Variants in SYCP2L observed in about 807,000 individuals in gnomAD.
SYCP2L encodes the protein synaptonemal complex protein 2-like.
A neutral mutation model predicts 125.8 loss-of-function variants in SYCP2L; 98 were observed. That is an observed-to-expected ratio of 0.78 (90% CI 0.66 to 0.92). The LOEUF (loss-of-function observed/expected upper bound fraction) is 0.92. Ranked by LOEUF, SYCP2L falls within the 40% of genes least tolerant of loss-of-function variation. The probability of loss-of-function intolerance (pLI) is 0.00; values close to 1 mark genes in which losing one functional copy is unlikely to be tolerated. For synonymous variants in SYCP2L, 317 were observed against 325.4 expected (o/e 0.97, Z 0.28); for missense variants, 842 against 936.4 (o/e 0.90, Z 1.32).
In SYCP2L at chr6:10,911,894, C is replaced by CTTTTTT. The variant is rs58800098; in HGVS notation, c.919-759_919-754dup. Among the ~76,000 whole-genome samples, 131 of 50,030 alleles carry CTTTTTT rather than the reference C, an allele frequency of 2.6e-3. 2 individuals carry two copies. The highest frequency in any genetic ancestry group is 5.0e-3 in the African/African-American group (71 of 14,124). 32.8% of individuals were successfully genotyped at this position (50,030 alleles called of 152,430 possible). A position where few individuals can be genotyped will look rare whatever the true frequency, so the allele number is the denominator to read the frequency against. On this transcript the variant is annotated intron_variant, in intron 12 of 29. Transcript: ENST00000283141. ...TTTATCTGTTGTTGGGGAATAAAAG[C>CTTTTTT]TTTTTTTTTTTTTTTTTTTTTTTTT...
intron 20 of SYCP2L, among the ~76,000 whole-genome samples, chr6:10,934,520 AT>A (rs1403650170): frequency 6.6e-6 from 1 of 152,200 alleles, no homozygotes; most frequent in Non-Finnish European, 1.5e-5. Flanking sequence ...CTCTAATAAA[AT>A]ACAAAAAAAT....
intron 23 of SYCP2L, among the ~76,000 whole-genome samples, chr6:10,952,642 G>T (rs2113399291): frequency 6.6e-6 from 1 of 152,078 alleles, no homozygotes; most frequent in Middle Eastern, 3.4e-3. Flanking sequence ...GAAACGTGGT[G>T]ATTGTTGATC....
intron 9 of SYCP2L, among the ~76,000 whole-genome samples, chr6:10,906,274 C>T (rs577674105): frequency 2.6e-5 from 4 of 152,000 alleles, no homozygotes; most frequent in Admixed American, 6.5e-5. Flanking sequence ...CACAATTTAG[C>T]ATTTTACCGC....
At position 10,893,956 on chromosome 6, in the gene SYCP2L, A is replaced by G; in HGVS notation, c.168A>G (p.Gln56=). 6.2e-7 allele frequency: 1 copy of G among 1,612,344 alleles called. No homozygotes were observed. Among genetic ancestry groups the G allele is most frequent in the Non-Finnish European group, 8.5e-7 (1 of 1,179,600 alleles). The change falls in exon 3 of 30, where the codon CAA becomes CAG. Residue 56 remains glutamine (Q), a synonymous_variant. Coordinates refer to ENST00000283141, the MANE Select transcript of SYCP2L (RefSeq NM_001040274.3). ...YFQQKESHFP[Q]KYNRLLLYRL... ...AACAGAAAGAGAGCCACTTTCCTCA[A>G]AAATATAATCGTCTTCTATTATACC... is the stretch of plus-strand genomic sequence containing the variant.
At chr6:10,891,607 CTCTCTCTG>C (rs1780173378) in intron 2 of SYCP2L, 26 bp downstream of exon 2, 2 of 452,872 alleles carry the variant, frequency 4.4e-6, no homozygotes, top group Non-Finnish European at 3.7e-6. Flanking sequence ...CTTTTATAAT[CTCTCTCTG>C]TGTGTGTGTG....
At chr6:10,918,280 G>A (rs2788869) in intron 14 of SYCP2L, among the ~76,000 whole-genome samples, 23,689 of 151,848 alleles carry the variant, frequency 0.16, 2,192 homozygotes, top group Middle Eastern at 0.3. Flanking sequence ...AATTTCCCGA[G>A]TGTTCTTTGT....
rs753334419 is a variant in SYCP2L at position 10,963,828 on chromosome 6, T to C, written c.*22T>C. ...ATAAGAAAGCCAAAGCCTGGTTTTATGATTGCAGCCCTCAGGTAGGTGCAA... is the reference window on the plus strand; with the variant it reads ...ATAAGAAAGCCAAAGCCTGGTTTTACGATTGCAGCCCTCAGGTAGGTGCAA... On this transcript the variant is annotated 3_prime_UTR_variant, in exon 29 of 30. Coordinates refer to ENST00000283141, the MANE Select transcript of SYCP2L (RefSeq NM_001040274.3). 9 of 1,613,826 alleles carry C rather than the reference T, an allele frequency of 5.6e-6. No individual in the cohort carries two copies. The highest frequency in any genetic ancestry group is 1.6e-4 in the Middle Eastern group (1 of 6,084).
intron 29 of SYCP2L, among the ~76,000 whole-genome samples, chr6:10,966,528 A>G (rs889543066): frequency 6.6e-6 from 1 of 152,220 alleles, no homozygotes; most frequent in African/African-American, 2.4e-5. Flanking sequence ...TTCTGCCTAA[A>G]TTAGTAAAAT....
At position 10,926,403 on chromosome 6, in the gene SYCP2L, A is replaced by G; in HGVS notation, c.1283A>G (p.Glu428Gly). The change falls in exon 16 of 30, where the codon GAG (glutamate) becomes GGG (glycine). Residue 428 changes from glutamate (E) to glycine (G), a missense_variant. By Grantham distance (98) the Glu-to-Gly change is moderately conservative (BLOSUM62 -2). Coordinates refer to ENST00000283141, the MANE Select transcript of SYCP2L (RefSeq NM_001040274.3). ...AGTAAGTCTGATAAAGAAGACAGGG[A>G]GAGTCCCAGTGGCCTTGAAAGAGAA... The part of the protein sequence containing the change: ...LFSKSDKEDR[E>G]SPSGLERETE... 6.2e-7 allele frequency: 1 copy of G among 1,613,858 alleles called. No homozygotes were observed. Among genetic ancestry groups the G allele is most frequent in the Non-Finnish European group, 8.5e-7 (1 of 1,179,792 alleles).
At chr6:10,960,948 C>T (rs529665688) in intron 26 of SYCP2L, among the ~76,000 whole-genome samples, 15 of 152,144 alleles carry the variant, frequency 9.9e-5, no homozygotes, top group African/African-American at 3.1e-4. Flanking sequence ...CGTGGTGGCA[C>T]GCGCCTGTAG....
chr6:10,910,078 A>G, intron 10 of SYCP2L, 70 bp from the exon 11 acceptor site: 2 of 1,290,082 alleles, frequency 1.6e-6, no homozygotes, highest in South Asian at 1.2e-5. Flanking sequence ...TGGCCTCTGT[A>G]TGCTAAGGTA....
intron 10 of SYCP2L, among the ~76,000 whole-genome samples, chr6:10,909,309 G>T (rs1181361419): frequency 6.6e-6 from 1 of 151,652 alleles, no homozygotes; most frequent in African/African-American, 2.4e-5. Context: ...TGTATTTTTA[G>T]TAGAGACGGG....
intron 20 of SYCP2L, among the ~76,000 whole-genome samples, chr6:10,932,353 CCT>C (rs750562203): frequency 6.6e-6 from 1 of 152,124 alleles, no homozygotes; most frequent in Non-Finnish European, 1.5e-5. Context: ...CACTGAATTA[CCT>C]CTCTCAGCAG....
intron 14 of SYCP2L, among the ~76,000 whole-genome samples, chr6:10,913,375 G>GC (rs1780640662): frequency 6.6e-6 from 1 of 152,202 alleles, no homozygotes; most frequent in East Asian, 1.9e-4. Context: ...GAAGGTGCCT[G>GC]CCCCCTCTAC....
At chr6:10,967,171 C>A (rs1781695961) in intron 29 of SYCP2L, among the ~76,000 whole-genome samples, 1 of 151,840 alleles carries the variant, frequency 6.6e-6, no homozygotes, top group Middle Eastern at 3.2e-3. Flanking sequence ...AAAAGCCCAT[C>A]CTTAATTTAT....
At chr6:10,893,067 G>A (rs972588008) in intron 2 of SYCP2L, among the ~76,000 whole-genome samples, 1 of 151,696 alleles carries the variant, frequency 6.6e-6, no homozygotes, top group Non-Finnish European at 1.5e-5. Context: ...GAGTGCAGTG[G>A]TGCGATCTCG....
At chr6:10,914,395 T>C (rs1327181425) in intron 14 of SYCP2L, among the ~76,000 whole-genome samples, 1 of 152,224 alleles carries the variant, frequency 6.6e-6, no homozygotes, top group African/African-American at 2.4e-5. Context: ...CATGCTGTTT[T>C]CATGACTATG....
intron 26 of SYCP2L, among the ~76,000 whole-genome samples, chr6:10,960,864 T>G (rs1231074152): frequency 3.3e-5 from 5 of 151,988 alleles, no homozygotes; most frequent in Non-Finnish European, 5.9e-5. Context: ...TCACCTGAGG[T>G]CAGGAGCTTG....
intron 25 of SYCP2L, 38 bp downstream of exon 25, chr6:10,956,280 G>GTCCTCC: frequency 7.1e-7 from 1 of 1,414,728 alleles, no homozygotes; most frequent in Non-Finnish European, 9.9e-7. Context: ...AGAGCGTTAT[G>GTCCTCC]AATCTGGAGG....
Sources: gnomAD v4.1 joint callset for allele counts (sites outside exome capture counted in the v4.1 genomes callset) on GRCh38, gnomAD v4.1.1 for gene constraint, MANE v1.5 for transcripts, NCBI Gene and HGNC (gene_info 2026-07-23, HGNC 2026-07-21) for gene names.